The following HECW1 variants were observed in gnomAD, a reference collection of about 807,000 sequenced individuals.
HECW1 encodes HECT, C2 and WW domain containing E3 ubiquitin protein ligase 1.
In HECW1, 61 loss-of-function variants were observed where a neutral mutation model predicts 182.3. The ratio of observed to expected loss-of-function variants is 0.33; its 90% CI spans 0.27 to 0.41. HECW1 has a LOEUF of 0.41. HECW1 is among the 10% of genes least tolerant of loss of function. The pLI is 1.00. For synonymous variants in HECW1, 859 were observed against 832.6 expected, an observed-to-expected ratio of 1.03 and a Z score of -0.55; for missense variants, 1,739 against 2,108.9, an observed-to-expected ratio of 0.82 and a Z score of 3.44.
At chr7:43,341,289 C>T (rs1812954388) in intron 5 of HECW1, among the ~76,000 whole-genome samples, 1 of 150,554 alleles carries the variant, frequency 6.6e-6, no homozygotes, top group South Asian at 2.1e-4. Context: ...TGCACATGTA[C>T]CCTAGAACTT....
At position 43,218,684 on chromosome 7, in the gene HECW1, T is replaced by C. The variant is rs1000504274; in HGVS notation, c.-31-25191T>C. 2.0e-5 allele frequency among the ~76,000 whole-genome samples: 3 copies of C among 152,236 alleles called. No individual in the cohort carries two copies. In the East Asian group the frequency reaches 5.8e-4, roughly 29 times the overall value. On this transcript the variant is annotated intron_variant, in intron 2 of 29. Transcript: ENST00000395891. ...CATCTTCTGGATTGATAGTTCTTGA[T>C]GAACAAAGCCCAAGGGAAAAGAGCA...
intron 2 of HECW1, among the ~76,000 whole-genome samples, chr7:43,120,488 C>G (rs370512238): frequency 6.6e-6 from 1 of 152,136 alleles, no homozygotes; most frequent in Non-Finnish European, 1.5e-5. Context: ...TTTGTTTACC[C>G]AGTGCCTGGA....
intron 8 of HECW1, among the ~76,000 whole-genome samples, chr7:43,435,429 T>C (rs2152869607): frequency 6.6e-6 from 1 of 152,302 alleles, no homozygotes; most frequent in East Asian, 1.9e-4. Context: ...TGATTAGTTC[T>C]TAGGAGTTAT....
At chr7:43,314,856 A>G (rs1052910955) in intron 4 of HECW1, among the ~76,000 whole-genome samples, 4 of 152,204 alleles carry the variant, frequency 2.6e-5, no homozygotes, top group Non-Finnish European at 4.4e-5. Context: ...TCAGAGATCT[A>G]GGCTGAGAAA....
intron 5 of HECW1, among the ~76,000 whole-genome samples, chr7:43,321,183 C>T (rs1273426654): frequency 1.3e-5 from 2 of 152,186 alleles, no homozygotes; most frequent in Admixed American, 6.5e-5. Context: ...CAGTGATTTT[C>T]CACATTTTGC....
intron 17 of HECW1, among the ~76,000 whole-genome samples, chr7:43,481,038 A>G (rs540956553): frequency 2.6e-5 from 4 of 152,326 alleles, no homozygotes; most frequent in African/African-American, 9.6e-5. Context: ...TTGTTTCAGG[A>G]GACTGCTGAA....
intron 6 of HECW1, among the ~76,000 whole-genome samples, chr7:43,392,773 T>G (rs1244097555): frequency 6.6e-6 from 1 of 152,092 alleles, no homozygotes; most frequent in African/African-American, 2.4e-5. Flanking sequence ...AGGGTAAAAT[T>G]TGAATAACAT....
chr7:43,279,316 C>T (rs1184802680), intron 3 of HECW1, among the ~76,000 whole-genome samples: 1 of 152,070 alleles, frequency 6.6e-6, no homozygotes, highest in Non-Finnish European at 1.5e-5. Flanking sequence ...GGAGGGATTA[C>T]CTTACAGTTT....
intron 8 of HECW1, among the ~76,000 whole-genome samples, chr7:43,419,493 A>G (rs1034612124): frequency 1.3e-5 from 2 of 152,212 alleles, no homozygotes; most frequent in East Asian, 1.9e-4. Flanking sequence ...CTATAAGCTA[A>G]TATAGGTTTT....
At chr7:43,232,769 C>T (rs556308393) in intron 2 of HECW1, among the ~76,000 whole-genome samples, 1 of 152,170 alleles carries the variant, frequency 6.6e-6, no homozygotes, top group South Asian at 2.1e-4. Context: ...GGAGAGGAGG[C>T]AAAGGACTCT....
intron 2 of HECW1, among the ~76,000 whole-genome samples, chr7:43,186,800 C>G (rs1275669937): frequency 6.6e-6 from 1 of 152,108 alleles, no homozygotes; most frequent in Non-Finnish European, 1.5e-5. Context: ...CAGTAACATG[C>G]TGTGCAGGTT....
chr7:43,282,780 A>T (rs1584317232), intron 3 of HECW1, among the ~76,000 whole-genome samples: 2 of 152,184 alleles, frequency 1.3e-5, no homozygotes, highest in East Asian at 3.8e-4. Context: ...TAGAATCAAT[A>T]TTATGCTTCA....
Position 43,370,888 on chromosome 7 carries a change from C to CT in HECW1, c.555+9925dup, listed in dbSNP as rs779010532. ...AGAGGATTTTTAGGGCAATGATATT[C>CT]TTTTTTTTTTTTTTTTTGAAATGGA... On this transcript the variant is annotated intron_variant, in intron 6 of 29. Coordinates refer to ENST00000395891, the MANE Select transcript of HECW1 (RefSeq NM_015052.5). Among the ~76,000 whole-genome samples the CT allele has an allele frequency of 1.9e-3, 251 of 135,388 alleles. 3 individuals carry two copies. Among genetic ancestry groups the CT allele is most frequent in the Middle Eastern group, 3.9e-3 (1 of 256 alleles). The allele number at this position is 135,388 out of a possible 152,430, so 88.8% of individuals were successfully genotyped here.
chr7:43,407,782 A>G, intron 8 of HECW1, 51 bp downstream of exon 8: 2 of 1,487,606 alleles, frequency 1.3e-6, no homozygotes, highest in South Asian at 2.4e-5. Context: ...GAAAGGGCTG[A>G]CTGTGAACCA....
At chr7:43,199,233 C>T (rs1341077267) in intron 2 of HECW1, among the ~76,000 whole-genome samples, 1 of 152,210 alleles carries the variant, frequency 6.6e-6, no homozygotes. Context: ...GTTCAACTCA[C>T]GAGTTTTGCA....
intron 2 of HECW1, among the ~76,000 whole-genome samples, chr7:43,133,708 CTATT>C (rs1787206044): frequency 6.6e-6 from 1 of 151,854 alleles, no homozygotes; most frequent in Non-Finnish European, 1.5e-5. Flanking sequence ...GTAAATGTGT[CTATT>C]TTATTGTTTT....
At chr7:43,264,750 A>G (rs1208566044) in intron 3 of HECW1, among the ~76,000 whole-genome samples, 3 of 151,382 alleles carry the variant, frequency 2.0e-5, no homozygotes, top group Non-Finnish European at 2.9e-5. Context: ...TGGCTGAGGC[A>G]GGAGAATGGC....
Position 43,480,088 on chromosome 7 carries a change from G to T in HECW1, c.3234+344G>T, listed in dbSNP as rs376778741. ...CTGTCATGTGTGAATACATGGAACT[G>T]CCATGGTATGTCTGACTAACTTTAA... is the stretch of plus-strand genomic sequence containing the variant. On this transcript the variant is annotated intron_variant, in intron 17 of 29. Transcript: ENST00000395891. 6.6e-4 allele frequency among the ~76,000 whole-genome samples: 100 copies of T among 152,318 alleles called. 1 individual carries two copies. In the South Asian group the frequency reaches 0.014, roughly 21 times the overall value.
At chr7:43,248,687 C>CTTT (rs1799685761) in intron 3 of HECW1, 1 of 126,116 alleles carries the variant, frequency 7.9e-6, no homozygotes, top group African/African-American at 3.1e-5. Context: ...CCTCCTCCTC[C>CTTT]TCCTCCTTTT....
Sources: allele counts gnomAD v4.1 joint callset (sites outside exome capture counted in the v4.1 genomes callset), GRCh38; gene constraint gnomAD v4.1.1; transcripts MANE v1.5; gene names NCBI Gene and HGNC (gene_info 2026-07-23, HGNC 2026-07-21).